CETP: variants seen among roughly 807,000 people sequenced by gnomAD.
The protein encoded by CETP is BPI fold containing family F.
Under a neutral mutation model 66.5 loss-of-function variants are expected in CETP, and 56 were observed. The observed-to-expected ratio is 0.84, with a 90% CI of 0.68 to 1.05. CETP has a LOEUF of 1.05. Among genes scored for constraint, CETP ranks in the 50% least tolerant of loss-of-function variants. The pLI is 0.00. For missense variants in CETP, 612 were observed against 609.6 expected (o/e 1.00, Z -0.04); for synonymous variants, 251 against 245.7 (o/e 1.02, Z -0.20).
At chr16:56,962,123 C>A in intron 1 of CETP, 26 bp downstream of exon 1, 1 of 1,585,124 alleles carries the variant, frequency 6.3e-7, no homozygotes, top group Non-Finnish European at 8.7e-7. Flanking sequence ...TCTGTCTGCC[C>A]TGCCAGGGGT....
At chr16:56,967,218 A>G (rs2056073828) in intron 2 of CETP, among the ~76,000 whole-genome samples, 1 of 151,334 alleles carries the variant, frequency 6.6e-6, no homozygotes, top group African/African-American at 2.4e-5. Flanking sequence ...ATGATGGTGC[A>G]TGCCCATAAT....
chr16:56,964,941 T>C (rs2056055493), intron 2 of CETP, among the ~76,000 whole-genome samples: 1 of 152,166 alleles, frequency 6.6e-6, no homozygotes, highest in Admixed American at 6.5e-5. Flanking sequence ...CAAGACCACC[T>C]GTCTCTATAA....
intron 2 of CETP, among the ~76,000 whole-genome samples, chr16:56,966,571 TTTTG>T (rs1401119825): frequency 3.9e-5 from 6 of 152,012 alleles, no homozygotes; most frequent in South Asian, 2.1e-4. Flanking sequence ...GGCTGGGTTT[TTTTG>T]TTTGTTTGTT....
At chr16:56,973,588 G>A in intron 9 of CETP, 78 bp downstream of exon 9, 1 of 1,535,334 alleles carries the variant, frequency 6.5e-7, no homozygotes, top group Non-Finnish European at 8.9e-7. Flanking sequence ...ATGGGGAGGA[G>A]GGAGGAAACT....
chr16:56,970,421 A>G (rs957612917), intron 5 of CETP, among the ~76,000 whole-genome samples: 9 of 152,360 alleles, frequency 5.9e-5, no homozygotes, highest in Non-Finnish European at 1.0e-4. Context: ...TAACTCAGAG[A>G]TAAAACTCTA....
rs767437395 is a variant in CETP at position 56,969,946 on chromosome 16, C to G, written c.472C>G (p.Pro158Ala). ...CDSGRVRTDA[P>A]DCYLSFHKLL... is the part of the protein sequence containing the mutation. Reference sequence around the variant, plus strand: ...CTCTGGTAGAGTGCGGACCGATGCCCCTGACTGCTACCTGTCTTTCCATAA... The same window carrying G: ...CTCTGGTAGAGTGCGGACCGATGCCGCTGACTGCTACCTGTCTTTCCATAA... The change falls in exon 5 of 16, where the codon CCT becomes GCT. Residue 158 changes from proline to alanine, a missense_variant. Physicochemically the swap from Pro to Ala is conservative, Grantham distance 27. Transcript: ENST00000200676. The G allele has an allele frequency of 1.9e-6, 3 of 1,614,042 alleles. No homozygotes were observed. The highest frequency in any genetic ancestry group is 2.5e-6 in the Non-Finnish European group (3 of 1,180,014).
chr16:56,967,943 A>T (rs1031133795), intron 2 of CETP, among the ~76,000 whole-genome samples: 24 of 149,678 alleles, frequency 1.6e-4, no homozygotes, highest in African/African-American at 5.7e-4. Context: ...TGGGCAACAG[A>T]GAGCCACCCT....
At chr16:56,976,535 A>C (rs1313070390) in intron 10 of CETP, among the ~76,000 whole-genome samples, 1 of 151,398 alleles carries the variant, frequency 6.6e-6, no homozygotes, top group Non-Finnish European at 1.5e-5. Context: ...GCAGTAGCAC[A>C]ATCTCAACTC....
Position 56,968,603 on chromosome 16 carries a change from A to G in CETP, c.234-783A>G, listed in dbSNP as rs370863062. Among the ~76,000 whole-genome samples, 3 of 152,166 alleles carry G rather than the reference A, an allele frequency of 2.0e-5. No individual in the cohort carries two copies. The East Asian group carries it at 5.8e-4, about 29-fold the overall frequency. ...TCTAAGAATTTGTCCATTTCATTTC[A>G]TCTAGTTAACCTCATTTGTTGACAT... On this transcript the variant is annotated intron_variant, in intron 2 of 15. Transcript: ENST00000200676.
intron 8 of CETP, among the ~76,000 whole-genome samples, chr16:56,972,714 T>C (rs1236545054): frequency 1.3e-5 from 2 of 152,182 alleles, no homozygotes. Context: ...CAAGGGAAAC[T>C]GAGGAATTTA....
chr16:56,980,716 GT>G (rs1159324316), intron 11 of CETP, among the ~76,000 whole-genome samples: 5 of 152,136 alleles, frequency 3.3e-5, no homozygotes, highest in Non-Finnish European at 5.9e-5. Flanking sequence ...ATGGTCAGGA[GT>G]TCAAGACCAG....
chr16:56,982,292 T>C lies in CETP; in HGVS notation c.1321+55T>C, dbSNP rs369522108. The C allele has an allele frequency of 6.2e-4, 959 of 1,548,186 alleles. 1 individual carries two copies. The highest frequency in any genetic ancestry group is 1.6e-3 in the Middle Eastern group (9 of 5,716). ...GCCGAGGCTGACAGAGCTTCCCATT[T>C]CACCTTGTGGGCCCTTCCCAGGCAG... On this transcript the variant is annotated intron_variant, in intron 14 of 15. Coordinates refer to ENST00000200676, the MANE Select transcript of CETP (RefSeq NM_000078.3).
intron 2 of CETP, among the ~76,000 whole-genome samples, chr16:56,963,764 G>A (rs2056043578): frequency 6.6e-6 from 1 of 151,944 alleles, no homozygotes; most frequent in Non-Finnish European, 1.5e-5. Flanking sequence ...CCGTCTCTGG[G>A]TTCAAGGAAT....
intron 9 of CETP, among the ~76,000 whole-genome samples, chr16:56,974,601 C>T (rs559715619): frequency 6.6e-6 from 1 of 152,342 alleles, no homozygotes; most frequent in Non-Finnish European, 1.5e-5. Context: ...ATTAGACTTA[C>T]ATTTATTGCA....
At chr16:56,969,278 G>A (rs191502884) in intron 2 of CETP, 108 bp from the exon 3 acceptor site, 2 of 1,413,846 alleles carry the variant, frequency 1.4e-6, no homozygotes, top group Admixed American at 3.3e-5. Context: ...AGGACATTTT[G>A]GGGGCCATGA....
rs762325325 is a variant in CETP, at chr16:56,973,378, C to T, written c.798C>T (p.Thr266=). ...KNVSEDLPLP[T]FSPTLLGDSR... is the part of the protein sequence containing the mutation. ...TCTCAGAGGACCTCCCCCTCCCCAC[C>T]TTCTCGCCCACACTGCTGGGGGACT... Residue 266 remains threonine (T), a synonymous_variant, in exon 9 of 16, where the codon ACC becomes ACT. Transcript: ENST00000200676. The T allele has an allele frequency of 1.2e-6, 2 of 1,614,210 alleles. No individual in the cohort carries two copies. Among genetic ancestry groups the T allele is most frequent in the Non-Finnish European group, 1.7e-6 (2 of 1,180,030 alleles).
chr16:56,971,426 G>A (rs1463348366), intron 7 of CETP, 45 bp downstream of exon 7: 2 of 1,555,546 alleles, frequency 1.3e-6, no homozygotes, highest in South Asian at 2.2e-5. Context: ...AGCAGTGGGA[G>A]CCAGAAAGCC....
chr16:56,969,707 A>C, intron 4 of CETP, 26 bp downstream of exon 4: 1 of 1,612,366 alleles, frequency 6.2e-7, no homozygotes, highest in Non-Finnish European at 8.5e-7. Flanking sequence ...CCTCTGGGGA[A>C]GTGGGAGCTG....
intron 7 of CETP, among the ~76,000 whole-genome samples, 174 bp from the exon 8 acceptor site, chr16:56,971,818 C>A (rs1341819728): frequency 2.0e-5 from 3 of 152,124 alleles, no homozygotes; most frequent in Non-Finnish European, 4.4e-5. Flanking sequence ...GACAGACAGA[C>A]TTGGGAAAAG....
Sources: gnomAD v4.1 joint callset for allele counts (sites outside exome capture counted in the v4.1 genomes callset) on GRCh38, gnomAD v4.1.1 for gene constraint, MANE v1.5 for transcripts, NCBI Gene and HGNC (gene_info 2026-07-23, HGNC 2026-07-21) for gene names.